The following ZNF200 variants were observed in gnomAD, a reference collection of about 807,000 sequenced individuals.
The protein encoded by ZNF200 is zinc finger protein 200.
ZNF200 carries 35 observed loss-of-function variants against 33.6 expected under a neutral mutation model. The ratio of observed to expected loss-of-function variants is 1.04; its 90% confidence interval spans 0.80 to 1.38. ZNF200 has a LOEUF of 1.38. Among genes scored for constraint, ZNF200 ranks in the 40% most tolerant of loss-of-function variants. ZNF200 has a pLI of 0.00. For missense variants in ZNF200, 592 were observed against 470.6 expected, an observed-to-expected ratio of 1.26 and a Z score of -2.39; for synonymous variants, 209 against 167.7, an observed-to-expected ratio of 1.25 and a Z score of -1.90.
At chr16:3,232,684 G>C (rs1351139333) in intron 3 of ZNF200, 137 bp from the exon 4 acceptor site, 8 of 1,447,818 alleles carry the variant, frequency 5.5e-6, no homozygotes, top group Non-Finnish European at 7.5e-6. Context: ...GTGCAGCAAA[G>C]ACAGGACAGC....
chr16:3,224,960 C>G (rs1281769475), intron 4 of ZNF200: 1 of 208,276 alleles, frequency 4.8e-6, no homozygotes, highest in South Asian at 1.0e-4. Context: ...GACTATACAT[C>G]TATACAGGGA....
intron 2 of ZNF200, among the ~76,000 whole-genome samples, chr16:3,233,188 T>C (rs1482351700): frequency 1.3e-5 from 2 of 152,184 alleles, no homozygotes; most frequent in East Asian, 1.9e-4. Context: ...CAACGTAAAG[T>C]GTGAAGATGC....
At chr16:3,230,913 AT>A (rs1449073369) in intron 4 of ZNF200, among the ~76,000 whole-genome samples, 2 of 152,214 alleles carry the variant, frequency 1.3e-5, no homozygotes, top group African/African-American at 4.8e-5. Flanking sequence ...CATTATACCT[AT>A]AAAAATTTCA....
Position 3,224,242 on chromosome 16 carries a change from AG to A in ZNF200, c.837del (p.Tyr280MetfsTer52). 6.2e-7 allele frequency: 1 copy of A among 1,614,176 alleles called. No homozygotes were observed. The highest frequency in any genetic ancestry group is 1.1e-5 in the South Asian group (1 of 91,080). ...SHQRTHTGEK[P>X]YDCNHCGKSF... ...CTTTTCCCACAGTGATTACAGTCAT[AG>A]GGTTTTTCTCCAGTGTGGGTCCTCT... On this transcript the variant is annotated frameshift_variant, in exon 5 of 5. Transcript: ENST00000414144. LOFTEE classifies it high-confidence loss of function.
chr16:3,232,745 C>A (rs553852498), intron 3 of ZNF200, 88 bp downstream of exon 3: 27 of 1,474,766 alleles, frequency 1.8e-5, no homozygotes, highest in Non-Finnish European at 2.3e-5. Flanking sequence ...CCCAAGAAGG[C>A]CAACTCCTAA....
Position 3,233,904 on chromosome 16 carries a change from C to A in ZNF200, c.-81-68G>T, listed in dbSNP as rs1444326226. 4 of 1,319,718 alleles carry A rather than the reference C, an allele frequency of 3.0e-6. No individual in the cohort carries two copies. In the African/African-American group the frequency reaches 4.5e-5, roughly 15 times the overall value. 81.8% of individuals were successfully genotyped at this position (1,319,718 alleles called of 1,614,324 possible). On this transcript the variant is annotated intron_variant, in intron 1 of 4. Coordinates refer to ENST00000414144, the MANE Select transcript of ZNF200 (RefSeq NM_198088.3). ...GGCATTACTGCACTCCAATATGTGG[C>A]ATGGCTGGTGAGGCTACATGAGATC...
intron 3 of ZNF200, 133 bp downstream of exon 3, chr16:3,232,700 T>A (rs1958669094): frequency 7.1e-7 from 1 of 1,414,026 alleles, no homozygotes; most frequent in Non-Finnish European, 9.7e-7. Context: ...ACAGCCAGGC[T>A]GAGAAGGGCT....
intron 4 of ZNF200, 77 bp from the exon 5 acceptor site, chr16:3,224,690 A>G (rs878931621): frequency 2.7e-6 from 4 of 1,500,952 alleles, no homozygotes; most frequent in South Asian, 1.4e-5. Flanking sequence ...CAGGTTTCTT[A>G]TGCCACAGCC....
chr16:3,224,372 G>A lies in ZNF200; in HGVS notation c.708C>T (p.Asp236=), dbSNP rs757702140. The change falls in exon 5 of 5, where the codon GAC becomes GAT. Residue 236 remains aspartate, a synonymous_variant. Coordinates refer to ENST00000414144, the MANE Select transcript of ZNF200 (RefSeq NM_198088.3). ...TTCGAGTAAGGGCAATAATACTGAT[G>A]TCTACATATTTTGAGAGTTCCTCTA... The part of the protein sequence containing the change: ...TPLEELSKYV[D]ISIIALTRNR... 45 of 1,614,032 alleles carry A rather than the reference G, an allele frequency of 2.8e-5. No homozygotes were observed. The highest frequency in any genetic ancestry group is 1.6e-4 in the Middle Eastern group (1 of 6,084).
intron 1 of ZNF200, among the ~76,000 whole-genome samples, chr16:3,234,469 G>A (rs1958743140): frequency 6.6e-6 from 1 of 152,076 alleles, no homozygotes; most frequent in Non-Finnish European, 1.5e-5. Flanking sequence ...AAAATAAAAG[G>A]AAAAAGAAAG....
chr16:3,232,481 T>C lies in ZNF200; in HGVS notation c.406A>G (p.Thr136Ala). 6.2e-7 allele frequency: 1 copy of C among 1,614,078 alleles called. No individual in the cohort carries two copies. Among genetic ancestry groups the C allele is most frequent in the South Asian group, 1.1e-5 (1 of 91,090 alleles). ...TCCTTCTCTGACGTGAGTTGTTGAG[T>C]AGGATCCAAGCTCACACATTCTTCC... ...CQEECVSLDP[T>A]QQLTSEKEDD... The change falls in exon 4 of 5, where the codon ACT becomes GCT. Residue 136 changes from threonine to alanine, a missense_variant. By Grantham distance (58) the Thr-to-Ala change is moderately conservative (BLOSUM62 0). Transcript: ENST00000414144.
In ZNF200 at chr16:3,232,931, G is replaced by A; in HGVS notation, c.251-10C>T. ...AAGGGACGAGGATGCACTGGGGAAAGAGGAAGGTTTAGTTAGTGAAAAACT... is the reference window on the plus strand; with the variant it reads ...AAGGGACGAGGATGCACTGGGGAAAAAGGAAGGTTTAGTTAGTGAAAAACT... On this transcript the variant is annotated splice_polypyrimidine_tract_variant and intron_variant, in intron 2 of 4. Coordinates refer to ENST00000414144, the MANE Select transcript of ZNF200 (RefSeq NM_198088.3). The A allele has an allele frequency of 6.2e-7, 1 of 1,613,090 alleles. No homozygotes were observed. The highest frequency in any genetic ancestry group is 8.5e-7 in the Non-Finnish European group (1 of 1,179,332).
chr16:3,234,065 G>T, intron 1 of ZNF200: 1 of 227,294 alleles, frequency 4.4e-6, no homozygotes, highest in Non-Finnish European at 8.7e-6. Flanking sequence ...CCAAAGGGAA[G>T]GGAGTAAGGG....
Position 3,224,171 on chromosome 16 carries a change from T to C in ZNF200, c.909A>G (p.Thr303=), listed in dbSNP as rs1252185954. Residue 303 remains threonine (T), a synonymous_variant, in exon 5 of 5, where the codon ACA becomes ACG. Transcript: ENST00000414144. ...TNLNKHERIH[T]GEKPYSCSQC... ...GAGAACAGGAATAAGGTTTCTCTCCTGTATGAATTCGCTCATGTTTATTGA... is the reference window on the plus strand; with the variant it reads ...GAGAACAGGAATAAGGTTTCTCTCCCGTATGAATTCGCTCATGTTTATTGA... The C allele has an allele frequency of 2.5e-6, 4 of 1,614,194 alleles. No individual in the cohort carries two copies. Among genetic ancestry groups the C allele is most frequent in the Non-Finnish European group, 3.4e-6 (4 of 1,180,030 alleles).
chr16:3,224,879 G>A (rs1024002242), intron 4 of ZNF200: 6 of 436,250 alleles, frequency 1.4e-5, no homozygotes, highest in Non-Finnish European at 2.1e-5. Context: ...CTCTTCATAG[G>A]TGTTAATTAC....
At chr16:3,233,070 T>C (rs1958685883) in intron 2 of ZNF200, 149 bp from the exon 3 acceptor site, 3 of 669,990 alleles carry the variant, frequency 4.5e-6, no homozygotes, top group Non-Finnish European at 7.5e-6. Context: ...GTTCAAGCCA[T>C]AAACTCTAGG....
chr16:3,224,719 G>T, intron 4 of ZNF200, 106 bp from the exon 5 acceptor site: 1 of 1,420,374 alleles, frequency 7.0e-7, no homozygotes, highest in Non-Finnish European at 9.4e-7. Flanking sequence ...CGTCAATCTG[G>T]GGAGTGGCGG....
intron 3 of ZNF200, 116 bp from the exon 4 acceptor site, chr16:3,232,663 A>G (rs1321378821): frequency 6.7e-7 from 1 of 1,502,090 alleles, no homozygotes; most frequent in Non-Finnish European, 9.0e-7. Context: ...GGACCTATAA[A>G]TCCCACAGAG....
chr16:3,224,289 C>T lies in ZNF200; in HGVS notation c.791G>A (p.Ser264Asn). Residue 264 changes from serine to asparagine, a missense_variant, in exon 5 of 5, where the codon AGT becomes AAT. Physicochemically the swap from Ser to Asn is conservative, Grantham distance 46 (BLOSUM62 1). Transcript: ENST00000414144. ...CPLCGKQFNE[S>N]SYLISHQRTH... ...CCTCTGGTGGGAAATGAGGTAAGAACTTTCATTAAACTGTTTCCCACACAG... is the reference window on the plus strand; with the variant it reads ...CCTCTGGTGGGAAATGAGGTAAGAATTTTCATTAAACTGTTTCCCACACAG... The T allele has an allele frequency of 6.2e-7, 1 of 1,614,082 alleles. No homozygotes were observed. Among genetic ancestry groups the T allele is most frequent in the Non-Finnish European group, 8.5e-7 (1 of 1,180,002 alleles).
Sources: gnomAD v4.1 joint callset for allele counts (sites outside exome capture counted in the v4.1 genomes callset) on GRCh38, gnomAD v4.1.1 for gene constraint, MANE v1.5 for transcripts, NCBI Gene and HGNC (gene_info 2026-07-23, HGNC 2026-07-21) for gene names.